The following NELL1 variants were observed in gnomAD, a reference collection of about 807,000 sequenced individuals.
NELL1 encodes protein kinase C-binding protein NELL1.
Under a neutral mutation model 107.4 loss-of-function variants are expected in NELL1, and 76 were observed. The observed-to-expected ratio is 0.71, with a 90% CI of 0.59 to 0.86. NELL1 has a LOEUF of 0.86. Ranked by LOEUF, NELL1 falls within the 40% of genes least tolerant of loss-of-function variation. The pLI is 0.00. For missense variants in NELL1, 1,024 were observed against 1,005.5 expected (o/e 1.02, Z -0.25); for synonymous variants, 353 against 341.2 (o/e 1.03, Z -0.38).
intron 13 of NELL1, among the ~76,000 whole-genome samples, chr11:21,117,859 C>T (rs1352092343): frequency 6.6e-6 from 1 of 151,918 alleles, no homozygotes; most frequent in Non-Finnish European, 1.5e-5. Context: ...ATCACATCTA[C>T]TTATAACTCA....
At chr11:20,756,234 C>T (rs1856284017) in intron 2 of NELL1, among the ~76,000 whole-genome samples, 1 of 152,090 alleles carries the variant, frequency 6.6e-6, no homozygotes, top group African/African-American at 2.4e-5. Flanking sequence ...GAGTCTATGT[C>T]ATCTATCTTA....
At chr11:20,972,659 A>G (rs553169452) in intron 12 of NELL1, among the ~76,000 whole-genome samples, 2 of 152,300 alleles carry the variant, frequency 1.3e-5, no homozygotes, top group Admixed American at 1.3e-4. Context: ...TGGGAGATTG[A>G]GAGTGTTGAG....
intron 14 of NELL1, among the ~76,000 whole-genome samples, chr11:21,273,090 C>G (rs185674296): frequency 1.3e-5 from 2 of 151,792 alleles, no homozygotes; most frequent in African/African-American, 4.8e-5. Flanking sequence ...AGGCTTCAGA[C>G]GATCAAACTA....
chr11:21,265,684 T>A (rs1400123879), intron 14 of NELL1, among the ~76,000 whole-genome samples: 3 of 152,028 alleles, frequency 2.0e-5, no homozygotes, highest in Non-Finnish European at 4.4e-5. Context: ...TGTTTTAAAG[T>A]TTCTGTTTGC....
chr11:20,763,577 C>T (rs907584250), intron 2 of NELL1, among the ~76,000 whole-genome samples: 3 of 152,206 alleles, frequency 2.0e-5, no homozygotes, highest in African/African-American at 4.8e-5. Flanking sequence ...TCTACTTCAA[C>T]ACTGGACCAC....
intron 10 of NELL1, among the ~76,000 whole-genome samples, chr11:20,938,294 A>T (rs1850770346): frequency 6.6e-6 from 1 of 152,168 alleles, no homozygotes; most frequent in Admixed American, 6.5e-5. Context: ...TTGAAATAAG[A>T]TGTATAAGAT....
intron 2 of NELL1, among the ~76,000 whole-genome samples, chr11:20,684,474 A>G (rs1020840433): frequency 6.6e-6 from 1 of 152,064 alleles, no homozygotes; most frequent in African/African-American, 2.4e-5. Flanking sequence ...AAAATCTTCC[A>G]TGTCTCTACC....
chr11:20,997,308 T>C (rs755279765), intron 12 of NELL1, among the ~76,000 whole-genome samples: 3 of 152,142 alleles, frequency 2.0e-5, no homozygotes, highest in East Asian at 1.9e-4. Flanking sequence ...TTAGGCATCA[T>C]AAAAAAGCTA....
chr11:20,707,870 A>G (rs1472636712), intron 2 of NELL1, among the ~76,000 whole-genome samples: 1 of 152,296 alleles, frequency 6.6e-6, no homozygotes, highest in Middle Eastern at 3.4e-3. Flanking sequence ...CTTTCTTCAA[A>G]GCTGTCAGAC....
intron 13 of NELL1, among the ~76,000 whole-genome samples, chr11:21,127,134 C>T (rs1855503852): frequency 6.6e-6 from 1 of 152,026 alleles, no homozygotes; most frequent in South Asian, 2.1e-4. Context: ...CTAGGTTGGA[C>T]ACAAGGATGG....
At chr11:21,468,333 A>G (rs539553971) in intron 15 of NELL1, among the ~76,000 whole-genome samples, 3 of 152,094 alleles carry the variant, frequency 2.0e-5, no homozygotes, top group East Asian at 3.9e-4. Flanking sequence ...GTTATTTTCT[A>G]TTCTTAATTA....
At chr11:20,721,358 C>T (rs1855384928) in intron 2 of NELL1, among the ~76,000 whole-genome samples, 1 of 151,842 alleles carries the variant, frequency 6.6e-6, no homozygotes, top group Non-Finnish European at 1.5e-5. Flanking sequence ...ATCTCAGTGA[C>T]ATACAATATC....
intron 12 of NELL1, among the ~76,000 whole-genome samples, chr11:21,065,873 G>A (rs1853854885): frequency 6.6e-6 from 1 of 152,148 alleles, no homozygotes; most frequent in Non-Finnish European, 1.5e-5. Flanking sequence ...TAAAGATCGA[G>A]TTATTTTCCC....
At chr11:21,067,008 A>G (rs1853891747) in intron 12 of NELL1, among the ~76,000 whole-genome samples, 1 of 145,590 alleles carries the variant, frequency 6.9e-6, no homozygotes, top group Non-Finnish European at 1.5e-5. Context: ...TAGAGTTCCT[A>G]CCCTCTTGGA....
chr11:21,193,057 A>G (rs901151143), intron 13 of NELL1, among the ~76,000 whole-genome samples: 1 of 151,848 alleles, frequency 6.6e-6, no homozygotes, highest in Non-Finnish European at 1.5e-5. Flanking sequence ...ATAACTTGAC[A>G]GTTTACTTTT....
chr11:21,362,341 A>G (rs1253045312), intron 14 of NELL1, among the ~76,000 whole-genome samples: 1 of 152,280 alleles, frequency 6.6e-6, no homozygotes, highest in South Asian at 2.1e-4. Flanking sequence ...CCTGTGATGT[A>G]ATCGGTCTTC....
At chr11:21,262,959 C>T (rs1291567741) in intron 14 of NELL1, among the ~76,000 whole-genome samples, 1 of 151,748 alleles carries the variant, frequency 6.6e-6, no homozygotes, top group Non-Finnish European at 1.5e-5. Context: ...ATATATTTGT[C>T]ATTTTCTTCT....
At chr11:21,207,818 A>G (rs1565111319) in intron 13 of NELL1, among the ~76,000 whole-genome samples, 2 of 152,184 alleles carry the variant, frequency 1.3e-5, no homozygotes, top group Non-Finnish European at 2.9e-5. Flanking sequence ...TGGGATTTGT[A>G]TCTAGGTCTA....
chr11:20,701,627 T>C (rs1302492713), intron 2 of NELL1, among the ~76,000 whole-genome samples: 3 of 151,628 alleles, frequency 2.0e-5, no homozygotes, highest in East Asian at 1.9e-4. Context: ...TCTTCTAGGG[T>C]TTTTATGGTT....
Sources: gnomAD v4.1 joint callset for allele counts (sites outside exome capture counted in the v4.1 genomes callset) on GRCh38, gnomAD v4.1.1 for gene constraint, MANE v1.5 for transcripts, NCBI Gene and HGNC (gene_info 2026-07-23, HGNC 2026-07-21) for gene names.